The following RERE variants were observed in gnomAD, a reference collection of about 807,000 sequenced individuals.
RERE encodes the protein arginine-glutamic acid dipeptide repeats, also known as arginine-glutamic acid dipeptide repeats protein.
In RERE, 40 loss-of-function variants were observed where a neutral mutation model predicts 146.1. The observed-to-expected ratio is 0.27, with a 90% confidence interval of 0.21 to 0.36. The LOEUF (loss-of-function observed/expected upper bound fraction) is 0.36. Ranked by LOEUF, RERE falls within the 10% of genes least tolerant of loss-of-function variation. The pLI is 1.00. For synonymous variants in RERE, 1,003 were observed against 866.0 expected (o/e 1.16, Z -2.78); for missense variants, 1,933 against 2,138.7 (o/e 0.90, Z 1.90).
chr1:8,394,458 A>T lies in RERE; in HGVS notation c.1284+28269T>A, dbSNP rs1167958371. On this transcript the variant is annotated intron_variant, in intron 12 of 22. Transcript: ENST00000400908. ...TCACTACTGTCCTGGGAAGCAGATA[A>T]TATTATCACCATTTTATAGATGAGA... Among the ~76,000 whole-genome samples the T allele has an allele frequency of 2.6e-5, 4 of 152,354 alleles. No individual in the cohort carries two copies. In the East Asian group the frequency reaches 5.8e-4, roughly 22 times the overall value.
At chr1:8,596,218 G>A (rs191990437) in intron 4 of RERE, among the ~76,000 whole-genome samples, 275 of 152,304 alleles carry the variant, frequency 1.8e-3, no homozygotes, top group African/African-American at 6.4e-3. Flanking sequence ...ATAACCAATA[G>A]TAAGAATGTT....
chr1:8,769,382 G>A (rs1640903711), intron 1 of RERE, among the ~76,000 whole-genome samples: 1 of 152,306 alleles, frequency 6.6e-6, no homozygotes. Context: ...CAAAGTGATA[G>A]GCAGATGCCT....
chr1:8,711,153 T>C (rs1209341738), intron 1 of RERE, among the ~76,000 whole-genome samples: 1 of 54,464 alleles, frequency 1.8e-5, no homozygotes, highest in Admixed American at 3.3e-4. Context: ...TGTGACTCTG[T>C]CTCCAAAAAA....
intron 17 of RERE, 57 bp from the exon 18 acceptor site, chr1:8,361,547 T>C: frequency 6.3e-7 from 1 of 1,584,146 alleles, no homozygotes; most frequent in Non-Finnish European, 8.6e-7. Context: ...CTGTCTGCTC[T>C]GCACCACCAG....
intron 11 of RERE, among the ~76,000 whole-genome samples, chr1:8,464,023 C>T (rs1316658048): frequency 2.0e-5 from 3 of 152,218 alleles, no homozygotes; most frequent in Non-Finnish European, 4.4e-5. Flanking sequence ...CCACTCCTCA[C>T]ATAAACAGGC....
chr1:8,627,031 C>A (rs981258352), intron 2 of RERE, among the ~76,000 whole-genome samples: 2 of 152,130 alleles, frequency 1.3e-5, no homozygotes, highest in Admixed American at 1.3e-4. Flanking sequence ...CTACAAGAAA[C>A]CCCAACTCTG....
intron 1 of RERE, among the ~76,000 whole-genome samples, chr1:8,683,565 C>A (rs1301547677): frequency 6.6e-6 from 1 of 151,880 alleles, no homozygotes; most frequent in Admixed American, 6.6e-5. Flanking sequence ...TAACAGAATA[C>A]CAATAAAGGT....
At chr1:8,701,765 A>C (rs528443200) in intron 1 of RERE, among the ~76,000 whole-genome samples, 35 of 152,244 alleles carry the variant, frequency 2.3e-4, no homozygotes, top group African/African-American at 8.2e-4. Context: ...TTTATAAAAT[A>C]GTTTAAACAC....
At chr1:8,469,744 TATC>T (rs1644655312) in intron 10 of RERE, among the ~76,000 whole-genome samples, 1 of 152,202 alleles carries the variant, frequency 6.6e-6, no homozygotes, top group South Asian at 2.1e-4. Context: ...CTCAATCAAA[TATC>T]ATTAATCCCT....
At chr1:8,428,322 A>G (rs1175675556) in intron 11 of RERE, among the ~76,000 whole-genome samples, 1 of 152,096 alleles carries the variant, frequency 6.6e-6, no homozygotes, top group Non-Finnish European at 1.5e-5. Flanking sequence ...TGCCCAACCA[A>G]CCCAACTAGG....
intron 11 of RERE, among the ~76,000 whole-genome samples, chr1:8,444,740 TAA>T (rs1644295055): frequency 6.6e-6 from 1 of 152,088 alleles, no homozygotes; most frequent in Non-Finnish European, 1.5e-5. Flanking sequence ...TCTGGTTGTT[TAA>T]AAGTGTGTAG....
chr1:8,604,010 C>T (rs1646667478), intron 4 of RERE, among the ~76,000 whole-genome samples: 1 of 151,636 alleles, frequency 6.6e-6, no homozygotes, highest in Non-Finnish European at 1.5e-5. Flanking sequence ...TCTACTTTTA[C>T]ACTAGTTACT....
In RERE at chr1:8,364,236, G is replaced by A. The variant is rs143292179; in HGVS notation, c.1560C>T (p.His520=). ...AAAGCAGGATGTTCTCCCGGCCTCC[G>A]TGGTGCCAATCTTTGGAGGCTGTGT... ...CFTTTSKDWH[H]GGRENILLCT... Residue 520 remains histidine (H), a synonymous_variant, in exon 15 of 23, where the codon CAC becomes CAT. Transcript: ENST00000400908. The surrounding 1 kb of genome is among the most constrained non-coding windows in gnomAD (Gnocchi z 5.1). The A allele has an allele frequency of 4.3e-6, 7 of 1,614,026 alleles. No homozygotes were observed. Among genetic ancestry groups the A allele is most frequent in the African/African-American group, 2.7e-5 (2 of 74,918 alleles).
At position 8,607,530 on chromosome 1, in the gene RERE, A is replaced by ATTTTTTTTT. The variant is rs1646732347; in HGVS notation, c.522+7030_522+7031insAAAAAAAAA. Among the ~76,000 whole-genome samples the ATTTTTTTTT allele has an allele frequency of 1.4e-4, 8 of 57,584 alleles. No individual in the cohort carries two copies. In the East Asian group the frequency reaches 3.8e-3, roughly 28 times the overall value. The allele number at this position is 57,584 out of a possible 152,430, so 37.8% of individuals were successfully genotyped here. On this transcript the variant is annotated intron_variant, in intron 4 of 22. Transcript: ENST00000400908. ...GCCCCGCATATTTGTTTTTATATAT[A>ATTTTTTTTT]TTTCTTTTTTTTTTTTTTTTTTTTT...
At chr1:8,440,625 T>C (rs1644233587) in intron 11 of RERE, among the ~76,000 whole-genome samples, 1 of 148,998 alleles carries the variant, frequency 6.7e-6, no homozygotes, top group Admixed American at 6.7e-5. Context: ...CGGTGGCTCC[T>C]GTCTGTAATC....
chr1:8,732,206 T>C (rs1468646503), intron 1 of RERE, among the ~76,000 whole-genome samples: 1 of 152,212 alleles, frequency 6.6e-6, no homozygotes. Flanking sequence ...TCTGCACAAA[T>C]TTTAGAGTAG....
At chr1:8,737,208 A>G (rs1640218584) in intron 1 of RERE, among the ~76,000 whole-genome samples, 1 of 152,158 alleles carries the variant, frequency 6.6e-6, no homozygotes, top group Non-Finnish European at 1.5e-5. Context: ...CAGTATTACC[A>G]CAGACTTATC....
Position 8,474,818 on chromosome 1 carries a change from A to G in RERE, c.1105-8795T>C, listed in dbSNP as rs552400197. ...ATACTTTTCAAATATAGCCATTATA[A>G]TAACTATATAAAAAGCCTACTTAAG... is the stretch of plus-strand genomic sequence containing the variant. On this transcript the variant is annotated intron_variant, in intron 10 of 22. Transcript: ENST00000400908. Among the ~76,000 whole-genome samples, 4 of 152,364 alleles carry G rather than the reference A, an allele frequency of 2.6e-5. No individual in the cohort carries two copies. The South Asian group carries it at 8.3e-4, about 32-fold the overall frequency.
intron 6 of RERE, among the ~76,000 whole-genome samples, chr1:8,554,982 G>A (rs975511226): frequency 2.6e-5 from 4 of 152,218 alleles, no homozygotes; most frequent in African/African-American, 9.6e-5. Context: ...GTGAGCTTAA[G>A]CTTGGAAAGC....
Sources: gnomAD v4.1 joint callset for allele counts (sites outside exome capture counted in the v4.1 genomes callset) on GRCh38, gnomAD v4.1.1 for gene constraint, Gnocchi (gnomAD v3.1) non-coding constraint, MANE v1.5 for transcripts, NCBI Gene and HGNC (gene_info 2026-07-23, HGNC 2026-07-21) for gene names.